LARGE1: variants seen among roughly 807,000 people sequenced by gnomAD.
LARGE1 encodes xylosyl- and glucuronyltransferase LARGE1.
In LARGE1, 43 loss-of-function variants were observed where a neutral mutation model predicts 87.6. The ratio of observed to expected loss-of-function variants is 0.49; its 90% CI spans 0.38 to 0.63. The LOEUF (loss-of-function observed/expected upper bound fraction) is 0.63, where lower values mean the gene tolerates loss of function less well. Among genes scored for constraint, LARGE1 ranks in the 30% least tolerant of loss-of-function variants. The probability of loss-of-function intolerance (pLI) is 0.00; values close to 1 mark genes in which losing one functional copy is unlikely to be tolerated. For synonymous variants in LARGE1, 434 were observed against 394.6 expected (o/e 1.10, Z -1.18); for missense variants, 802 against 1,000.2 (o/e 0.80, Z 2.67).
intron 6 of LARGE1, among the ~76,000 whole-genome samples, chr22:33,441,491 T>A (rs772126494): frequency 6.6e-6 from 1 of 152,154 alleles, no homozygotes; most frequent in Non-Finnish European, 1.5e-5. Context: ...TCTCACTATG[T>A]CACCCAGACT....
At chr22:33,689,171 C>A (rs913893642) in intron 2 of LARGE1, among the ~76,000 whole-genome samples, 1 of 151,634 alleles carries the variant, frequency 6.6e-6, no homozygotes. Context: ...CTCTCTCCCC[C>A]CTCCTGTGTG....
intron 2 of LARGE1, among the ~76,000 whole-genome samples, chr22:33,708,849 T>C (rs1323105246): frequency 1.3e-5 from 2 of 152,152 alleles, no homozygotes; most frequent in African/African-American, 4.8e-5. Flanking sequence ...TCCGCCCGCC[T>C]TGGCCTCCCA....
chr22:33,612,005 C>T (rs1247436123), intron 4 of LARGE1, among the ~76,000 whole-genome samples: 2 of 152,210 alleles, frequency 1.3e-5, no homozygotes, highest in Non-Finnish European at 2.9e-5. Flanking sequence ...CTGAGGCCTC[C>T]CCAGAGGCCG....
chr22:33,794,264 G>T (rs2085913960), intron 1 of LARGE1, among the ~76,000 whole-genome samples: 2 of 152,190 alleles, frequency 1.3e-5, no homozygotes, highest in Admixed American at 1.3e-4. Flanking sequence ...ACAAAAGATG[G>T]TGTCTGAGTC....
the LARGE1 span, among the ~76,000 whole-genome samples, chr22:33,082,570 C>A: frequency 6.6e-6 from 1 of 152,158 alleles, no homozygotes. Context: ...GAAGTCTGAG[C>A]AATCTACGCA....
the LARGE1 span, among the ~76,000 whole-genome samples, chr22:33,077,809 G>A: frequency 6.6e-6 from 1 of 152,014 alleles, no homozygotes; most frequent in African/African-American, 2.4e-5. Flanking sequence ...TGCAGTTTAA[G>A]GTTCATTTCA....
At chr22:33,493,681 C>T (rs1481725167) in intron 6 of LARGE1, among the ~76,000 whole-genome samples, 1 of 152,146 alleles carries the variant, frequency 6.6e-6, no homozygotes, top group African/African-American at 2.4e-5. Context: ...GAGGAAACTG[C>T]AGACAGAGGG....
upstream of LARGE1, among the ~76,000 whole-genome samples, chr22:33,921,898 C>T (rs2065958468): frequency 6.6e-6 from 1 of 151,904 alleles, no homozygotes; most frequent in Admixed American, 6.6e-5. The surrounding 1 kb of genome is among the most constrained non-coding windows in gnomAD (Gnocchi z 4.1). Flanking sequence ...AGGAGGATGC[C>T]CTCGAGAGAA....
intron 1 of LARGE1, among the ~76,000 whole-genome samples, chr22:33,834,628 G>C (rs1448943540): frequency 6.6e-6 from 1 of 152,168 alleles, no homozygotes; most frequent in Non-Finnish European, 1.5e-5. Flanking sequence ...TGATTAAAAA[G>C]CTTTATTGCT....
At chr22:33,085,825 G>A in the LARGE1 span, among the ~76,000 whole-genome samples, 1 of 152,214 alleles carries the variant, frequency 6.6e-6, no homozygotes, top group East Asian at 1.9e-4. Context: ...GTGTGATATT[G>A]TCTAGGAATG....
chr22:33,254,142 G>T (rs73885025), intron 11 of LARGE1, among the ~76,000 whole-genome samples: 3,735 of 152,172 alleles, frequency 0.025, 174 homozygotes, highest in African/African-American at 0.087. Flanking sequence ...GGGACTCAAA[G>T]GCAGGCCAAG....
At chr22:33,119,924 C>T in the LARGE1 span, among the ~76,000 whole-genome samples, 1 of 152,108 alleles carries the variant, frequency 6.6e-6, no homozygotes, top group South Asian at 2.1e-4. Context: ...ATGTCCCTTG[C>T]AGTAGATAAC....
Position 33,266,309 on chromosome 22 carries a change from C to T in LARGE1, c.1730+37920G>A, listed in dbSNP as rs557963855. 1.5e-3 allele frequency among the ~76,000 whole-genome samples: 226 copies of T among 149,238 alleles called. 6 individuals are homozygous for T. The highest frequency in any genetic ancestry group is 5.6e-3 in the African/African-American group (223 of 39,510). ...CTATCTCGGCTCACTGCAACCTCCA[C>T]CTCCTCGGTTCAAGCGATTATCCTG... On this transcript the variant is annotated intron_variant, in intron 11 of 11. Coordinates refer to the LARGE1 transcript ENST00000608642.
chr22:33,922,320 C>T (rs1438906755), upstream of LARGE1: 1 of 151,646 alleles, frequency 6.6e-6, no homozygotes, highest in Non-Finnish European at 1.5e-5. Flanking sequence ...CTGCTTGGCT[C>T]CGGACCTGGC....
At chr22:33,916,803 T>C (rs1224909783) in intron 1 of LARGE1, among the ~76,000 whole-genome samples, 1 of 152,214 alleles carries the variant, frequency 6.6e-6, no homozygotes, top group Non-Finnish European at 1.5e-5. Context: ...AAGACTTCAT[T>C]CATGTCTCAG....
At chr22:33,442,023 G>T (rs767000918) in intron 6 of LARGE1, among the ~76,000 whole-genome samples, 1 of 152,146 alleles carries the variant, frequency 6.6e-6, no homozygotes, top group Non-Finnish European at 1.5e-5. Flanking sequence ...CTGAACTATG[G>T]CTCAGGGATA....
chr22:33,134,178 T>C, the LARGE1 span, among the ~76,000 whole-genome samples: 3 of 151,900 alleles, frequency 2.0e-5, no homozygotes. Flanking sequence ...CATTTATTTC[T>C]AAAGTCAATG....
chr22:33,356,835 G>A (rs1940940803), intron 9 of LARGE1, among the ~76,000 whole-genome samples: 1 of 152,242 alleles, frequency 6.6e-6, no homozygotes, highest in Non-Finnish European at 1.5e-5. Context: ...AGACAGAACA[G>A]AGGAGTAGGA....
intron 1 of LARGE1, among the ~76,000 whole-genome samples, chr22:33,762,211 CT>C (rs1282238922): frequency 1.5e-5 from 1 of 65,596 alleles, no homozygotes; most frequent in East Asian, 6.9e-4. Context: ...GAGATTCTAT[CT>C]CAAAAAAAAA....
Sources: gnomAD v4.1 joint callset for allele counts (sites outside exome capture counted in the v4.1 genomes callset) on GRCh38, gnomAD v4.1.1 for gene constraint, Gnocchi (gnomAD v3.1) non-coding constraint, MANE v1.5 for transcripts, NCBI Gene and HGNC (gene_info 2026-07-23, HGNC 2026-07-21) for gene names.